The following KAT6B variants were observed in gnomAD, a reference collection of about 807,000 sequenced individuals.
KAT6B encodes the protein lysine acetyltransferase 6B.
In KAT6B, 10 loss-of-function variants were observed where a neutral mutation model predicts 187.5. The observed-to-expected ratio is 0.05, with a 90% confidence interval of 0.03 to 0.09. The LOEUF (loss-of-function observed/expected upper bound fraction) is 0.09, where lower values mean the gene tolerates loss of function less well. Among genes scored for constraint, KAT6B ranks in the 10% least tolerant of loss-of-function variants. KAT6B has a pLI of 1.00. For missense variants in KAT6B, 1,952 were observed against 2,558.9 expected, an observed-to-expected ratio of 0.76 and a Z score of 5.12; for synonymous variants, 861 against 926.8, an observed-to-expected ratio of 0.93 and a Z score of 1.29.
In KAT6B at chr10:74,880,096, G is replaced by A. The variant is rs532090714; in HGVS notation, c.621+36618G>A. On this transcript the variant is annotated intron_variant, in intron 3 of 17. Transcript: ENST00000287239. ...AAAAAGAGACATAATTTGCGTTATCGTAAAATTTACTTTTTTAAAGTGTGT... is the reference window on the plus strand; with the variant it reads ...AAAAAGAGACATAATTTGCGTTATCATAAAATTTACTTTTTTAAAGTGTGT... Among the ~76,000 whole-genome samples the A allele has an allele frequency of 7.2e-5, 11 of 152,182 alleles. No homozygotes were observed. In the South Asian group the frequency reaches 1.5e-3, roughly 20 times the overall value.
intron 13 of KAT6B, among the ~76,000 whole-genome samples, chr10:75,017,249 C>T (rs562413027): frequency 6.7e-3 from 2 of 298 alleles, no homozygotes; most frequent in South Asian, 0.12. Flanking sequence ...TAAACCACCA[C>T]ATCTCTATGA....
rs570192322 is a variant in KAT6B at position 74,945,419 on chromosome 10, T to C, written c.622-14551T>C. On this transcript the variant is annotated intron_variant, in intron 3 of 17. Transcript: ENST00000287239. ...GGGGTGATGAGAGGGATTTATGTCT[T>C]AATTGTTAGGATTATTACATGGATG... 6.4e-4 allele frequency among the ~76,000 whole-genome samples: 98 copies of C among 152,214 alleles called. 1 individual carries two copies. The highest frequency in any genetic ancestry group is 1.3e-3 in the Non-Finnish European group (87 of 68,028).
At chr10:74,907,060 G>C (rs537940608) in intron 3 of KAT6B, among the ~76,000 whole-genome samples, 4 of 152,346 alleles carry the variant, frequency 2.6e-5, no homozygotes, top group African/African-American at 9.6e-5. Flanking sequence ...AGATTCCACT[G>C]TGATCAAAGC....
Position 74,871,168 on chromosome 10 carries a change from G to A in KAT6B, c.621+27690G>A, listed in dbSNP as rs183951474. On this transcript the variant is annotated intron_variant, in intron 3 of 17. Transcript: ENST00000287239. ...CCCAAAGTGCTGGGATGACAGGTGT[G>A]AGCCACCAAGCCTGGCCTTTTTTTT... is the stretch of plus-strand genomic sequence containing the variant. 3.2e-3 allele frequency among the ~76,000 whole-genome samples: 438 copies of A among 137,204 alleles called. 2 individuals carry two copies. Among genetic ancestry groups the A allele is most frequent in the Non-Finnish European group, 3.7e-3 (241 of 64,722 alleles). 90.0% of individuals were successfully genotyped at this position (137,204 alleles called of 152,430 possible).
intron 3 of KAT6B, among the ~76,000 whole-genome samples, chr10:74,948,075 A>T (rs993258991): frequency 6.6e-6 from 1 of 152,214 alleles, no homozygotes; most frequent in Non-Finnish European, 1.5e-5. Context: ...GTAATTATCC[A>T]CATAATCCTC....
At chr10:74,915,914 C>A (rs1184746808) in intron 3 of KAT6B, among the ~76,000 whole-genome samples, 5 of 152,158 alleles carry the variant, frequency 3.3e-5, no homozygotes, top group Non-Finnish European at 7.3e-5. Context: ...TACCTATAAT[C>A]CCAGCTCTTT....
intron 4 of KAT6B, 54 bp from the exon 5 acceptor site, chr10:74,969,606 T>C: frequency 2.8e-6 from 3 of 1,063,052 alleles, no homozygotes; most frequent in African/African-American, 1.6e-5. Context: ...AATGGGAGTT[T>C]AAAAAAGTCA....
chr10:74,927,329 C>G (rs1260185407), intron 3 of KAT6B, among the ~76,000 whole-genome samples: 1 of 152,070 alleles, frequency 6.6e-6, no homozygotes, highest in Admixed American at 6.5e-5. Context: ...TGGGGCCTCA[C>G]TGTTTCTGTG....
At chr10:74,830,235 G>A (rs953358265) in intron 1 of KAT6B, among the ~76,000 whole-genome samples, 3 of 151,782 alleles carry the variant, frequency 2.0e-5, no homozygotes, top group South Asian at 2.1e-4. Context: ...CTGTCTTCTC[G>A]CAGACCCCAG....
intron 13 of KAT6B, among the ~76,000 whole-genome samples, chr10:74,989,925 G>A (rs112086745): frequency 6.1e-4 from 93 of 152,146 alleles, no homozygotes; most frequent in Non-Finnish European, 1.0e-3. Flanking sequence ...GGCCGGGCGT[G>A]GTGGCTTATG....
At chr10:74,900,796 G>C (rs886996564) in intron 3 of KAT6B, among the ~76,000 whole-genome samples, 1 of 152,218 alleles carries the variant, frequency 6.6e-6, no homozygotes. Flanking sequence ...AACAGCGTAA[G>C]AATTATTCAT....
chr10:74,904,783 T>G (rs1315593884), intron 3 of KAT6B, among the ~76,000 whole-genome samples: 1 of 152,176 alleles, frequency 6.6e-6, no homozygotes, highest in Non-Finnish European at 1.5e-5. Flanking sequence ...ATTTGTGAAC[T>G]TAATCACACC....
chr10:74,962,082 A>G (rs911083117), intron 4 of KAT6B, among the ~76,000 whole-genome samples: 10 of 152,198 alleles, frequency 6.6e-5, no homozygotes. Context: ...CTAGTGTTGA[A>G]GTTCACTTAA....
At chr10:74,833,721 C>G (rs1386257345) in intron 1 of KAT6B, among the ~76,000 whole-genome samples, 1 of 152,130 alleles carries the variant, frequency 6.6e-6, no homozygotes, top group Non-Finnish European at 1.5e-5. Context: ...AAAAATTAAA[C>G]TTGCAATTAA....
intron 3 of KAT6B, among the ~76,000 whole-genome samples, chr10:74,876,213 C>T (rs1052014591): frequency 5.3e-5 from 8 of 152,134 alleles, no homozygotes; most frequent in Non-Finnish European, 1.5e-5. Context: ...CTCCTTCTTC[C>T]CCCACTCCCC....
intron 3 of KAT6B, among the ~76,000 whole-genome samples, chr10:74,877,492 A>T (rs889265821): frequency 2.6e-5 from 4 of 152,286 alleles, no homozygotes; most frequent in African/African-American, 9.6e-5. Context: ...TGCAGTTTTG[A>T]TGCTGCAGAA....
At chr10:74,862,225 T>G (rs1843234040) in intron 3 of KAT6B, among the ~76,000 whole-genome samples, 1 of 152,170 alleles carries the variant, frequency 6.6e-6, no homozygotes, top group Admixed American at 6.5e-5. Context: ...GTATAAAACT[T>G]TAGAGTTGCA....
intron 3 of KAT6B, among the ~76,000 whole-genome samples, chr10:74,926,985 A>C (rs1848553967): frequency 6.6e-6 from 1 of 152,218 alleles, no homozygotes; most frequent in African/African-American, 2.4e-5. Flanking sequence ...AAGCGTATTC[A>C]ATAAAGGGAG....
intron 13 of KAT6B, among the ~76,000 whole-genome samples, chr10:74,995,484 G>T (rs574783285): frequency 1.3e-5 from 2 of 152,164 alleles, no homozygotes; most frequent in Non-Finnish European, 2.9e-5. Flanking sequence ...ATCCTTTCCT[G>T]CAGGTCTCCA....
Sources: gnomAD v4.1 joint callset for allele counts (sites outside exome capture counted in the v4.1 genomes callset) on GRCh38, gnomAD v4.1.1 for gene constraint, MANE v1.5 for transcripts, NCBI Gene and HGNC (gene_info 2026-07-23, HGNC 2026-07-21) for gene names.